Variants in KDM4C observed in about 807,000 individuals in gnomAD.
KDM4C encodes the protein lysine demethylase 4C, also known as lysine-specific demethylase 4C.
In KDM4C, 81 loss-of-function variants were observed where a neutral mutation model predicts 129.3. The ratio of observed to expected loss-of-function variants is 0.63; its 90% CI spans 0.52 to 0.75. The LOEUF (loss-of-function observed/expected upper bound fraction) is 0.75. KDM4C is among the 30% of genes least tolerant of loss of function. KDM4C has a pLI of 0.00. For synonymous variants in KDM4C, 573 were observed against 456.1 expected (o/e 1.26, Z -3.26); for missense variants, 1,457 against 1,304.0 (o/e 1.12, Z -1.81).
chr9:6,969,197 A>G (rs1057225658), intron 8 of KDM4C, among the ~76,000 whole-genome samples: 8 of 152,292 alleles, frequency 5.3e-5, no homozygotes, highest in African/African-American at 1.9e-4. Flanking sequence ...CTGCCTCCCA[A>G]AGTGCTGGGA....
chr9:6,823,182 A>T (rs1244274277), intron 4 of KDM4C, among the ~76,000 whole-genome samples: 2 of 152,130 alleles, frequency 1.3e-5, no homozygotes, highest in African/African-American at 4.8e-5. Flanking sequence ...CCCTTTGCTG[A>T]GCGGTGACAC....
chr9:6,889,250 T>TGG (rs1554627897), intron 7 of KDM4C, among the ~76,000 whole-genome samples: 2 of 28,242 alleles, frequency 7.1e-5, no homozygotes, highest in East Asian at 6.9e-4. Context: ...TGTGTGTGTG[T>TGG]GGGAGGGTGG....
intron 5 of KDM4C, among the ~76,000 whole-genome samples, chr9:6,870,112 ATACTT>A (rs537325681): frequency 2.6e-3 from 400 of 152,324 alleles, no homozygotes; most frequent in Middle Eastern, 6.8e-3. Context: ...TTTGTGAAAT[ATACTT>A]TACTTTTTGA....
At chr9:6,899,495 C>T (rs1817009846) in intron 8 of KDM4C, among the ~76,000 whole-genome samples, 1 of 151,654 alleles carries the variant, frequency 6.6e-6, no homozygotes, top group Admixed American at 6.6e-5. Flanking sequence ...TAGTATCATA[C>T]AGAGTGGTTT....
chr9:7,083,067 A>C (rs944578769), intron 17 of KDM4C, among the ~76,000 whole-genome samples: 4 of 152,202 alleles, frequency 2.6e-5, no homozygotes, highest in African/African-American at 9.7e-5. Flanking sequence ...TGTGTTCATA[A>C]GCCTGGATAT....
chr9:6,859,230 C>T (rs1186170356), intron 5 of KDM4C, among the ~76,000 whole-genome samples: 2 of 152,106 alleles, frequency 1.3e-5, no homozygotes, highest in Non-Finnish European at 2.9e-5. Context: ...ATAATCCCAG[C>T]ACTTTGGGAG....
intron 8 of KDM4C, among the ~76,000 whole-genome samples, chr9:6,923,829 G>T (rs886983425): frequency 7.9e-5 from 12 of 152,100 alleles, no homozygotes; most frequent in Admixed American, 6.5e-5. Context: ...CTTTTTGGGG[G>T]CAGAGAACCA....
At chr9:6,973,422 T>C (rs888575691) in intron 8 of KDM4C, among the ~76,000 whole-genome samples, 2 of 152,208 alleles carry the variant, frequency 1.3e-5, no homozygotes, top group Non-Finnish European at 2.9e-5. Flanking sequence ...TTTCTTTAGG[T>C]ATTTTCCCAC....
intron 1 of KDM4C, among the ~76,000 whole-genome samples, chr9:6,764,131 GC>G (rs1487417831): frequency 6.6e-6 from 1 of 152,134 alleles, no homozygotes; most frequent in Non-Finnish European, 1.5e-5. Flanking sequence ...TCAGCATCAA[GC>G]TTTTATTACA....
intron 15 of KDM4C, among the ~76,000 whole-genome samples, chr9:7,030,396 CA>C (rs1292876322): frequency 6.6e-6 from 1 of 152,060 alleles, no homozygotes; most frequent in African/African-American, 2.4e-5. Flanking sequence ...AAATATATGT[CA>C]TTATACTTTT....
At chr9:6,949,820 A>AG (rs1417058892) in intron 8 of KDM4C, among the ~76,000 whole-genome samples, 1 of 152,080 alleles carries the variant, frequency 6.6e-6, no homozygotes, top group Non-Finnish European at 1.5e-5. Flanking sequence ...TCGGCATCAG[A>AG]GGGAGACCGT....
At chr9:7,075,379 G>A (rs952425214) in intron 17 of KDM4C, among the ~76,000 whole-genome samples, 2 of 152,154 alleles carry the variant, frequency 1.3e-5, no homozygotes, top group Admixed American at 1.3e-4. Context: ...TGGCAGTGTT[G>A]GGGGGTGCGA....
intron 17 of KDM4C, chr9:7,076,455 C>T (rs1379293390): frequency 1.3e-6 from 2 of 1,550,666 alleles, no homozygotes; most frequent in Non-Finnish European, 8.7e-7. Context: ...AATCTAGACA[C>T]AGCAACAGTA....
intron 21 of KDM4C, chr9:7,170,578 T>G: frequency 2.1e-6 from 2 of 952,458 alleles, no homozygotes; most frequent in Non-Finnish European, 2.5e-6. Flanking sequence ...TATTGTATCA[T>G]AAAATATTCA....
chr9:6,760,698 A>G (rs199942800), intron 1 of KDM4C, among the ~76,000 whole-genome samples: 1 of 151,418 alleles, frequency 6.6e-6, no homozygotes, highest in Admixed American at 6.6e-5. Context: ...AGCCTCCTGA[A>G]TAGCTGGGAC....
At chr9:6,884,887 A>C (rs1268324349) in intron 6 of KDM4C, among the ~76,000 whole-genome samples, 1 of 152,270 alleles carries the variant, frequency 6.6e-6, no homozygotes, top group Non-Finnish European at 1.5e-5. Flanking sequence ...ACTATAAACC[A>C]GTTGACAGTA....
chr9:6,995,784 A>G lies in KDM4C; in HGVS notation c.1786+5260A>G, dbSNP rs367741422. On this transcript the variant is annotated intron_variant, in intron 12 of 21. Transcript: ENST00000381309. The stretch of plus-strand genomic sequence containing the variant: ...CCTGCTGGGTTCACACCATTCTCCT[A>G]CCTCAGCCTCCCAAGTAGCTGGGAC... Among the ~76,000 whole-genome samples, 613 of 151,676 alleles carry G rather than the reference A, an allele frequency of 4.0e-3. 5 individuals are homozygous for G. The highest frequency in any genetic ancestry group is 0.038 in the South Asian group (182 of 4,776).
chr9:6,738,284 C>G (rs1588047692), intron 1 of KDM4C, among the ~76,000 whole-genome samples: 1 of 152,218 alleles, frequency 6.6e-6, no homozygotes, highest in East Asian at 1.9e-4. Context: ...TGAGACTGGC[C>G]TGACCAACAT....
At chr9:6,980,423 C>G (rs1288371530) in intron 8 of KDM4C, among the ~76,000 whole-genome samples, 5 of 152,070 alleles carry the variant, frequency 3.3e-5, no homozygotes, top group Non-Finnish European at 7.4e-5. Flanking sequence ...TCATTTGCTC[C>G]TAATTTTGGG....
Sources: gnomAD v4.1 joint callset for allele counts (sites outside exome capture counted in the v4.1 genomes callset) on GRCh38, gnomAD v4.1.1 for gene constraint, MANE v1.5 for transcripts, NCBI Gene and HGNC (gene_info 2026-07-23, HGNC 2026-07-21) for gene names.